The following UBR4 variants were observed in gnomAD, a reference collection of about 807,000 sequenced individuals.
The protein encoded by UBR4 is E3 ubiquitin-protein ligase UBR4.
In UBR4, 124 loss-of-function variants were observed where a neutral mutation model predicts 575.6. The ratio of observed to expected loss-of-function variants is 0.22; its 90% CI spans 0.19 to 0.25. UBR4 has a LOEUF of 0.25. Among genes scored for constraint, UBR4 ranks in the 10% least tolerant of loss-of-function variants. The probability of loss-of-function intolerance (pLI) is 1.00; values close to 1 mark genes in which losing one functional copy is unlikely to be tolerated. For missense variants in UBR4, 4,818 were observed against 6,478.8 expected (o/e 0.74, Z 8.80); for synonymous variants, 2,455 against 2,473.7 (o/e 0.99, Z 0.22).
At chr1:19,123,155 T>A in intron 65 of UBR4, 95 bp from the exon 66 acceptor site, 1 of 1,381,644 alleles carries the variant, frequency 7.2e-7, no homozygotes, top group Non-Finnish European at 1.0e-6. Context: ...AAACTGTTAT[T>A]AAAAGCTGGG....
In UBR4 at chr1:19,110,440, G is replaced by A. The variant is rs776248102; in HGVS notation, c.11917C>T (p.Leu3973=). 4 of 1,614,158 alleles carry A rather than the reference G, an allele frequency of 2.5e-6. No individual in the cohort carries two copies. Among genetic ancestry groups the A allele is most frequent in the Non-Finnish European group, 3.4e-6 (4 of 1,180,028 alleles). The change falls in exon 80 of 106, where the codon CTG becomes TTG. Residue 3973 remains leucine, a synonymous_variant. Coordinates refer to ENST00000375254, the MANE Select transcript of UBR4 (RefSeq NM_020765.3). This position sits in a 1 kb window ranked among gnomAD's most constrained non-coding sequence, Gnocchi z 4.5. ...TTGGAGATAGAATCCGTCAGCAGCA[G>A]CATTTCATACTGCAGGCTACTTGCC... The part of the protein sequence containing the change: ...DLASSLQYEM[L]LLTDSISKED...
chr1:19,179,361 G>T (rs975556109), intron 17 of UBR4, 141 bp from the exon 18 acceptor site: 4 of 885,174 alleles, frequency 4.5e-6, no homozygotes, highest in South Asian at 3.1e-5. Flanking sequence ...TTCAGATTTT[G>T]GAATAGTTTG....
chr1:19,165,339 C>T lies in UBR4; in HGVS notation c.4222G>A (p.Val1408Ile). Reference sequence around the variant, plus strand: ...TTGGCTGTTGCCATCATGATCTGTACAAGTTCTCCACTGGGAGGCAAGATG... The same window carrying T: ...TTGGCTGTTGCCATCATGATCTGTATAAGTTCTCCACTGGGAGGCAAGATG... ...EEFFSDSGEL[V>I]QIMMATANEN... The change falls in exon 31 of 106, where the codon GTA becomes ATA. Residue 1408 changes from valine (V) to isoleucine (I), a missense_variant. By Grantham distance (29) the Val-to-Ile change is conservative (BLOSUM62 3). Coordinates refer to ENST00000375254, the MANE Select transcript of UBR4 (RefSeq NM_020765.3). 6.2e-7 allele frequency: 1 copy of T among 1,613,316 alleles called. No homozygotes were observed. The highest frequency in any genetic ancestry group is 1.7e-4 in the Middle Eastern group (1 of 6,058).
chr1:19,174,848 A>G, intron 21 of UBR4, 106 bp downstream of exon 21: 1 of 1,033,198 alleles, frequency 9.7e-7, no homozygotes, highest in Admixed American at 2.3e-5. Context: ...CACAGACCAC[A>G]TTTCCTCACT....
intron 11 of UBR4, 23 bp downstream of exon 11, chr1:19,192,165 G>A (rs11588032): frequency 0.43 from 680,147 of 1,595,886 alleles, 147,790 homozygotes; most frequent in East Asian, 0.7. Flanking sequence ...CAAAATATAA[G>A]TTATAATCAA....
At chr1:19,122,792 A>C in intron 66 of UBR4, 41 bp downstream of exon 66, 1 of 1,611,294 alleles carries the variant, frequency 6.2e-7, no homozygotes, top group Non-Finnish European at 8.5e-7. Flanking sequence ...AAGCCTTATC[A>C]CATCCCCCCT....
chr1:19,112,670 T>A lies in UBR4; in HGVS notation c.11655A>T (p.Thr3885=), dbSNP rs147718500. The change falls in exon 78 of 106, where the codon ACA becomes ACT. Residue 3885 remains threonine, a synonymous_variant. Transcript: ENST00000375254. ...CASAVTEHCI[T]LLRALATNPA... The stretch of plus-strand genomic sequence containing the variant: ...GGTTGGTGGCCAGGGCCCGAAGTAG[T>A]GTGATACAATGTTCTGTGACAGCCG... 6.2e-7 allele frequency: 1 copy of A among 1,614,218 alleles called. No individual in the cohort carries two copies.
intron 55 of UBR4, among the ~76,000 whole-genome samples, chr1:19,141,994 C>T (rs1198566980): frequency 1.3e-5 from 2 of 152,150 alleles, no homozygotes; most frequent in South Asian, 2.1e-4. Context: ...AGCTTGCCCC[C>T]CACAAAAATA....
chr1:19,143,818 C>T (rs148412645), intron 55 of UBR4, among the ~76,000 whole-genome samples, 162 bp downstream of exon 55: 3 of 152,088 alleles, frequency 2.0e-5, no homozygotes, highest in Non-Finnish European at 4.4e-5. Flanking sequence ...TTTGATGTGC[C>T]ACCTAAATTC....
chr1:19,162,668 T>C (rs915426908), intron 34 of UBR4, 57 bp from the exon 35 acceptor site: 4 of 1,530,390 alleles, frequency 2.6e-6, no homozygotes, highest in Admixed American at 2.0e-5. Context: ...ATGTAAACCA[T>C]GTTTTCTCAA....
At chr1:19,173,909 A>C (rs2089924872) in intron 22 of UBR4, among the ~76,000 whole-genome samples, 1 of 152,274 alleles carries the variant, frequency 6.6e-6, no homozygotes, top group African/African-American at 2.4e-5. Flanking sequence ...CCAATTAACC[A>C]AAAGAGGGCA....
At position 19,144,812 on chromosome 1, in the gene UBR4, T is replaced by C. The variant is rs1204786858; in HGVS notation, c.8041A>G (p.Ile2681Val). 1 of 1,614,188 alleles carries C rather than the reference T, an allele frequency of 6.2e-7. No individual in the cohort carries two copies. The change falls in exon 54 of 106, where the codon ATC (isoleucine) becomes GTC (valine). Residue 2681 changes from isoleucine to valine, a missense_variant. By Grantham distance (29) the Ile-to-Val change is conservative. Around this residue, in one of 29 missense-constraint regions of UBR4, gnomAD observed 340 missense variants for 375.4 expected, o/e 0.91. Transcript: ENST00000375254. ...ELDCINTASK[I>V]YMQMLLCPDP... ...GGACACAAGAGCATCTGCATGTAGA[T>C]CTTGGATGCTGTGTTAATACAATCC...
Position 19,093,218 on chromosome 1 carries a change from G to T in UBR4, c.14111+95C>A. Reference sequence around the variant, plus strand: ...TGGGAGGCCCCAAGGAGGGCAAGGGGCACACGTGAAGCTTTATGCCAAGAT... The same window carrying T: ...TGGGAGGCCCCAAGGAGGGCAAGGGTCACACGTGAAGCTTTATGCCAAGAT... On this transcript the variant is annotated intron_variant, in intron 96 of 105. Coordinates refer to ENST00000375254, the MANE Select transcript of UBR4 (RefSeq NM_020765.3). This position sits in a 1 kb window ranked among gnomAD's most constrained non-coding sequence, Gnocchi z 4.8. 1 of 1,483,672 alleles carries T rather than the reference G, an allele frequency of 6.7e-7. No homozygotes were observed. The highest frequency in any genetic ancestry group is 9.2e-7 in the Non-Finnish European group (1 of 1,090,538). 91.9% of individuals were successfully genotyped at this position (1,483,672 alleles called of 1,614,324 possible).
intron 50 of UBR4, 40 bp downstream of exon 50, chr1:19,148,523 T>C (rs1480690376): frequency 7.4e-6 from 12 of 1,613,478 alleles, no homozygotes; most frequent in Non-Finnish European, 9.3e-6. Context: ...ACTTCCTGCC[T>C]CTTCAGAAAG....
At chr1:19,178,587 C>T (rs2090538192) in intron 18 of UBR4, among the ~76,000 whole-genome samples, 1 of 152,168 alleles carries the variant, frequency 6.6e-6, no homozygotes, top group Non-Finnish European at 1.5e-5. Context: ...AGACTTCTAA[C>T]CATGTAAACA....
intron 25 of UBR4, among the ~76,000 whole-genome samples, chr1:19,171,873 T>A (rs2089604779): frequency 6.6e-6 from 1 of 151,648 alleles, no homozygotes; most frequent in African/African-American, 2.4e-5. Context: ...AGAACAGGAG[T>A]GAACACTGAG....
In UBR4 at chr1:19,176,589, G is replaced by A. The variant is rs2090290151; in HGVS notation, c.2773+3C>T. 1.2e-6 allele frequency: 2 copies of A among 1,613,152 alleles called. No homozygotes were observed. Among genetic ancestry groups the A allele is most frequent in the African/African-American group, 2.7e-5 (2 of 74,994 alleles). On this transcript the variant is annotated splice_donor_region_variant and intron_variant, in intron 20 of 105. Coordinates refer to ENST00000375254, the MANE Select transcript of UBR4 (RefSeq NM_020765.3). ...GTTTCTTATTAACAGTCTTCTTTCT[G>A]ACCTGATGAGAAATGCTTAGACCAG...
intron 101 of UBR4, among the ~76,000 whole-genome samples, chr1:19,085,116 G>A (rs1005037500): frequency 6.6e-6 from 1 of 152,202 alleles, no homozygotes; most frequent in African/African-American, 2.4e-5. Flanking sequence ...TTTTGCTTTT[G>A]TTTTTCCTAT....
intron 7 of UBR4, 149 bp downstream of exon 7, chr1:19,197,521 C>CAG: frequency 1.7e-6 from 2 of 1,204,994 alleles, no homozygotes; most frequent in Non-Finnish European, 2.3e-6. Context: ...CCCAGCTACT[C>CAG]AGGAGGCTGA....
Sources: allele counts gnomAD v4.1 joint callset (sites outside exome capture counted in the v4.1 genomes callset), GRCh38; gene constraint gnomAD v4.1.1; regional missense constraint gnomAD v4.1.1; non-coding constraint Gnocchi (gnomAD v3.1); transcripts MANE v1.5; gene names NCBI Gene and HGNC (gene_info 2026-07-23, HGNC 2026-07-21).